The following PDE3A variants were observed in gnomAD, a reference collection of about 807,000 sequenced individuals.
PDE3A encodes the protein phosphodiesterase 3A, also known as cGMP-inhibited 3',5'-cyclic phosphodiesterase 3A.
A neutral mutation model predicts 98.3 loss-of-function variants in PDE3A; 43 were observed. The observed-to-expected ratio is 0.44, with a 90% confidence interval of 0.34 to 0.56. The LOEUF (loss-of-function observed/expected upper bound fraction) is 0.56, where lower values mean the gene tolerates loss of function less well. PDE3A is among the 20% of genes least tolerant of loss of function. The probability of loss-of-function intolerance (pLI) is 0.01; values close to 1 mark genes in which losing one functional copy is unlikely to be tolerated. For synonymous variants in PDE3A, 663 were observed against 567.9 expected (o/e 1.17, Z -2.38); for missense variants, 1,427 against 1,440.7 (o/e 0.99, Z 0.15).
At chr12:20,609,954 A>G (rs1390135015) in intron 2 of PDE3A, among the ~76,000 whole-genome samples, 3 of 151,898 alleles carry the variant, frequency 2.0e-5, no homozygotes, top group African/African-American at 7.2e-5. Flanking sequence ...ATAGAAGAGA[A>G]CATGGGGGAA....
At chr12:20,495,408 A>G (rs925395982) in intron 1 of PDE3A, among the ~76,000 whole-genome samples, 1 of 152,142 alleles carries the variant, frequency 6.6e-6, no homozygotes, top group Non-Finnish European at 1.5e-5. Flanking sequence ...AAACAACTAT[A>G]ATCTAATTAA....
intron 15 of PDE3A, among the ~76,000 whole-genome samples, chr12:20,673,990 T>A (rs1945566844): frequency 6.6e-6 from 1 of 152,164 alleles, no homozygotes; most frequent in Non-Finnish European, 1.5e-5. Context: ...TGTGTTGTCT[T>A]CAACGTGTTT....
intron 1 of PDE3A, among the ~76,000 whole-genome samples, chr12:20,442,465 G>A (rs1386610404): frequency 1.3e-5 from 2 of 152,084 alleles, no homozygotes; most frequent in African/African-American, 4.8e-5. Context: ...GTAGTCACAC[G>A]CTGGTTCTCA....
At chr12:20,530,736 C>T (rs1946610364) in intron 1 of PDE3A, among the ~76,000 whole-genome samples, 1 of 152,086 alleles carries the variant, frequency 6.6e-6, no homozygotes, top group African/African-American at 2.4e-5. Flanking sequence ...GAGACATGAA[C>T]ATCAACAAAT....
chr12:20,613,809 C>G (rs1943931309), intron 3 of PDE3A, 109 bp downstream of exon 3: 1 of 754,382 alleles, frequency 1.3e-6, no homozygotes, highest in East Asian at 2.6e-5. Flanking sequence ...ATCAGTGACT[C>G]AGGCAAAATG....
intron 1 of PDE3A, among the ~76,000 whole-genome samples, chr12:20,407,919 T>G (rs1482452853): frequency 2.6e-5 from 4 of 152,054 alleles, no homozygotes; most frequent in African/African-American, 9.7e-5. Context: ...TTTTCTATTT[T>G]TATTTATTTA....
intron 1 of PDE3A, among the ~76,000 whole-genome samples, chr12:20,551,039 T>A (rs1451854861): frequency 1.3e-5 from 2 of 150,750 alleles, no homozygotes; most frequent in East Asian, 3.9e-4. Flanking sequence ...TAAATATATA[T>A]TTGTTATATA....
chr12:20,565,360 TTGAG>T (rs1331850843), intron 2 of PDE3A, among the ~76,000 whole-genome samples: 1 of 152,040 alleles, frequency 6.6e-6, no homozygotes, highest in African/African-American at 2.4e-5. Context: ...ATCAGCAGCA[TTGAG>T]TAAGATCTTG....
intron 7 of PDE3A, among the ~76,000 whole-genome samples, chr12:20,634,319 A>T (rs901211482): frequency 6.6e-6 from 1 of 152,196 alleles, no homozygotes; most frequent in Non-Finnish European, 1.5e-5. Flanking sequence ...CTCAGAGAGG[A>T]TAGACTTCAG....
chr12:20,633,896 C>T, intron 7 of PDE3A, 118 bp downstream of exon 7: 1 of 599,734 alleles, frequency 1.7e-6, no homozygotes, highest in Admixed American at 3.2e-5. Context: ...GACGGGGTCT[C>T]ATGATGTTGG....
intron 2 of PDE3A, among the ~76,000 whole-genome samples, chr12:20,591,051 G>A (rs1426081210): frequency 6.6e-6 from 1 of 152,136 alleles, no homozygotes; most frequent in Non-Finnish European, 1.5e-5. Context: ...GTTAAGGTTT[G>A]CCTGAATATG....
At chr12:20,598,040 C>T (rs1943506298) in intron 2 of PDE3A, among the ~76,000 whole-genome samples, 1 of 151,652 alleles carries the variant, frequency 6.6e-6, no homozygotes, top group Admixed American at 6.6e-5. Context: ...AAAACACACT[C>T]TGTTTTCCAA....
intron 15 of PDE3A, among the ~76,000 whole-genome samples, chr12:20,667,326 G>T (rs1380989417): frequency 6.6e-6 from 1 of 152,012 alleles, no homozygotes; most frequent in South Asian, 2.1e-4. Context: ...GGTTTTTGAG[G>T]TCTTAATCAT....
intron 1 of PDE3A, among the ~76,000 whole-genome samples, chr12:20,468,381 T>G (rs1945379806): frequency 6.6e-6 from 1 of 152,236 alleles, no homozygotes; most frequent in Non-Finnish European, 1.5e-5. Context: ...ATTTAACCTC[T>G]CTGAATCTCA....
intron 2 of PDE3A, among the ~76,000 whole-genome samples, chr12:20,567,782 T>C (rs1043825676): frequency 1.3e-5 from 2 of 151,978 alleles, no homozygotes; most frequent in Non-Finnish European, 2.9e-5. Flanking sequence ...TGTTTTGCCA[T>C]TTATTTGGCT....
intron 1 of PDE3A, 148 bp downstream of exon 1, chr12:20,370,392 T>G (rs1565527477): frequency 2.2e-6 from 1 of 456,828 alleles, no homozygotes; most frequent in African/African-American, 2.1e-5. Context: ...CTAGCAGGTT[T>G]TTTTTTTGTT....
intron 2 of PDE3A, among the ~76,000 whole-genome samples, chr12:20,584,303 T>G (rs963916977): frequency 6.6e-6 from 1 of 152,142 alleles, no homozygotes; most frequent in Non-Finnish European, 1.5e-5. Flanking sequence ...AATTACAGAT[T>G]GTGATCAATA....
chr12:20,640,726 T>C (rs1473267389), intron 10 of PDE3A, among the ~76,000 whole-genome samples: 1 of 152,086 alleles, frequency 6.6e-6, no homozygotes, highest in Non-Finnish European at 1.5e-5. Flanking sequence ...ATAAGTAAAA[T>C]GGTCCTATAG....
intron 1 of PDE3A, among the ~76,000 whole-genome samples, chr12:20,454,286 C>A (rs1945117438): frequency 6.6e-6 from 1 of 152,186 alleles, no homozygotes. Flanking sequence ...CACTTCCTTG[C>A]CTGTGCTCCA....
Sources: gnomAD v4.1 joint callset for allele counts (sites outside exome capture counted in the v4.1 genomes callset) on GRCh38, gnomAD v4.1.1 for gene constraint, MANE v1.5 for transcripts, NCBI Gene and HGNC (gene_info 2026-07-23, HGNC 2026-07-21) for gene names.